Variants in SLC25A43 observed in about 807,000 individuals in gnomAD.
SLC25A43 encodes the protein solute carrier family 25, member 43.
A neutral mutation model predicts 22.8 loss-of-function variants in SLC25A43; 10 were observed. The ratio of observed to expected loss-of-function variants is 0.44; its 90% CI spans 0.27 to 0.74. The LOEUF is 0.74. SLC25A43 is among the 30% of genes least tolerant of loss of function. The probability of loss-of-function intolerance (pLI) is 0.17; values close to 1 mark genes in which losing one functional copy is unlikely to be tolerated. For synonymous variants in SLC25A43, 106 were observed against 121.6 expected, an observed-to-expected ratio of 0.87 and a Z score of 0.84; for missense variants, 233 against 279.1, an observed-to-expected ratio of 0.83 and a Z score of 1.18.
chrX:119,441,672 G>A (rs956783809), intron 3 of SLC25A43, among the ~76,000 whole-genome samples: 6 of 111,279 alleles, frequency 5.4e-5, no homozygotes, highest in South Asian at 7.6e-4. Context: ...CTGCTCCACC[G>A]GGCCCAGATC....
rs760338552 is a variant in SLC25A43 at position 119,399,400 on chromosome X, C to T, written c.-4C>T. On this transcript the variant is annotated 5_prime_UTR_variant, in exon 1 of 5. Transcript: ENST00000217909. ...GCGGTCTTCCGGGCCCGGGTCGGGG[C>T]TCGATGGCTACGTGGAGGCGGGACG... 4.0e-6 allele frequency: 4 copies of T among 1,006,700 alleles called. No individual in the cohort carries two copies. In the South Asian group the frequency reaches 9.3e-5, roughly 23 times the overall value. 83.0% of individuals were successfully genotyped at this position (1,006,700 alleles called of 1,213,427 possible).
intron 3 of SLC25A43, among the ~76,000 whole-genome samples, chrX:119,442,142 G>A (rs949613502): frequency 8.9e-6 from 1 of 112,205 alleles, no homozygotes; most frequent in Non-Finnish European, 1.9e-5. Context: ...CCCAGTGGGA[G>A]AAGGCAAGAT....
intron 3 of SLC25A43, among the ~76,000 whole-genome samples, chrX:119,428,551 CTATT>C (rs1172044134): frequency 1.8e-5 from 2 of 112,632 alleles, no homozygotes; most frequent in Non-Finnish European, 3.8e-5. Flanking sequence ...GTATGATATA[CTATT>C]TATTTAACTA....
chrX:119,409,503 G>A lies in SLC25A43; in HGVS notation c.518-687G>A, dbSNP rs998562240. Among the ~76,000 whole-genome samples, 78 of 103,461 alleles carry A rather than the reference G, an allele frequency of 7.5e-4. 1 individual carries two copies. Among genetic ancestry groups the A allele is most frequent in the Non-Finnish European group, 5.7e-4 (29 of 50,908 alleles). 89.8% of individuals were successfully genotyped at this position (103,461 alleles called of 115,157 possible). ...TTACAGGCGTGAGTTACTGTACTCA[G>A]CCAGCCCACCTTTTTTTTTTTTTTA... On this transcript the variant is annotated intron_variant, in intron 2 of 4. Coordinates refer to ENST00000217909, the MANE Select transcript of SLC25A43 (RefSeq NM_145305.3).
intron 1 of SLC25A43, among the ~76,000 whole-genome samples, chrX:119,403,838 G>A (rs1396255534): frequency 9.1e-6 from 1 of 109,975 alleles, no homozygotes; most frequent in African/African-American, 3.3e-5. Context: ...TGAGTGTGGG[G>A]AACCCCACAC....
chrX:119,452,241 C>G, intron 4 of SLC25A43, 98 bp downstream of exon 4: 1 of 986,361 alleles, frequency 1.0e-6, no homozygotes, highest in Non-Finnish European at 1.4e-6. Context: ...GCTTGGAAAA[C>G]CCCCTCTAGC....
intron 3 of SLC25A43, among the ~76,000 whole-genome samples, chrX:119,447,704 A>T (rs2052678739): frequency 9.2e-6 from 1 of 109,044 alleles, no homozygotes; most frequent in Non-Finnish European, 1.9e-5. Context: ...GCAGCTCACC[A>T]CTCCTCCTTG....
intron 3 of SLC25A43, among the ~76,000 whole-genome samples, chrX:119,411,060 C>T (rs1211718784): frequency 2.7e-5 from 3 of 110,736 alleles, no homozygotes; most frequent in Non-Finnish European, 5.7e-5. Flanking sequence ...CTTGCTGCCT[C>T]CACAGCAAGG....
intron 3 of SLC25A43, among the ~76,000 whole-genome samples, chrX:119,444,500 T>TTA (rs2052648413): frequency 1.0e-5 from 1 of 96,617 alleles, no homozygotes; most frequent in Admixed American, 1.2e-4. Flanking sequence ...GGTCGAGAGA[T>TTA]CGAGATCACC....
intron 1 of SLC25A43, among the ~76,000 whole-genome samples, chrX:119,401,929 G>T (rs753449390): frequency 9.0e-6 from 1 of 111,019 alleles, no homozygotes; most frequent in African/African-American, 3.3e-5. Flanking sequence ...CTGGGAGAAC[G>T]AGAACAGAGA....
Position 119,417,968 on chromosome X carries a change from C to G in SLC25A43, c.690+7606C>G, listed in dbSNP as rs766251861. ...CACCCTATGTTAAAAAAAAAATTCA[C>G]CCCCAAGACAGAACTGCAGGCTGCT... On this transcript the variant is annotated intron_variant, in intron 3 of 4. Transcript: ENST00000217909. Among the ~76,000 whole-genome samples the G allele has an allele frequency of 3.6e-5, 4 of 110,725 alleles. No homozygotes were observed. In the South Asian group the frequency reaches 1.6e-3, roughly 43 times the overall value.
chrX:119,399,894 G>T (rs949878096), intron 1 of SLC25A43, among the ~76,000 whole-genome samples: 1 of 112,826 alleles, frequency 8.9e-6, no homozygotes, highest in African/African-American at 3.2e-5. Flanking sequence ...TTACCGCCCT[G>T]CAAGATGCAG....
At chrX:119,410,676 G>T (rs1427278754) in intron 3 of SLC25A43, among the ~76,000 whole-genome samples, 1 of 110,688 alleles carries the variant, frequency 9.0e-6, no homozygotes, top group Non-Finnish European at 1.9e-5. Flanking sequence ...ATCACTTGAG[G>T]TCAGGAGTCC....
chrX:119,417,982 CT>C (rs1365926129), intron 3 of SLC25A43, among the ~76,000 whole-genome samples: 1 of 110,944 alleles, frequency 9.0e-6, no homozygotes, highest in Non-Finnish European at 1.9e-5. Flanking sequence ...CAAGACAGAA[CT>C]GCAGGCTGCT....
At chrX:119,413,957 T>G (rs2052374885) in intron 3 of SLC25A43, among the ~76,000 whole-genome samples, 1 of 111,586 alleles carries the variant, frequency 9.0e-6, no homozygotes, top group Admixed American at 9.6e-5. Context: ...GAAATTGACT[T>G]ATAGGTCACA....
intron 3 of SLC25A43, among the ~76,000 whole-genome samples, chrX:119,424,119 A>G (rs1469936164): frequency 9.2e-6 from 1 of 108,312 alleles, no homozygotes; most frequent in Non-Finnish European, 1.9e-5. Flanking sequence ...AGGCTGAGGC[A>G]GGAGAATGCC....
intron 3 of SLC25A43, among the ~76,000 whole-genome samples, chrX:119,425,627 GAAAA>G (rs58579795): frequency 1.2e-5 from 1 of 85,451 alleles, no homozygotes; most frequent in Non-Finnish European, 2.3e-5. Context: ...TTAGCAGTCA[GAAAA>G]AAAAAAAAAA....
At chrX:119,424,806 A>G (rs757088034) in intron 3 of SLC25A43, among the ~76,000 whole-genome samples, 67 of 113,219 alleles carry the variant, frequency 5.9e-4, no homozygotes, top group South Asian at 4.0e-3. Context: ...GGCGAAGGCC[A>G]GCTTCCTAGA....
intron 3 of SLC25A43, among the ~76,000 whole-genome samples, chrX:119,430,791 T>A (rs2052546003): frequency 8.9e-6 from 1 of 112,417 alleles, no homozygotes; most frequent in African/African-American, 3.2e-5. Context: ...AGGCTTGCCA[T>A]TGCTTTGCCC....
Sources: allele counts gnomAD v4.1 joint callset (sites outside exome capture counted in the v4.1 genomes callset), GRCh38; gene constraint gnomAD v4.1.1; transcripts MANE v1.5; gene names NCBI Gene and HGNC (gene_info 2026-07-23, HGNC 2026-07-21).